The following FANCM variants were observed in gnomAD, a reference collection of about 807,000 sequenced individuals.
FANCM encodes FA complementation group M.
Under a neutral mutation model 199.5 loss-of-function variants are expected in FANCM, and 140 were observed. The ratio of observed to expected loss-of-function variants is 0.70; its 90% CI spans 0.61 to 0.81. The LOEUF is 0.81. Ranked by LOEUF, FANCM falls within the 30% of genes least tolerant of loss-of-function variation. The pLI is 0.00. For synonymous variants in FANCM, 840 were observed against 836.8 expected (o/e 1.00, Z -0.07); for missense variants, 2,410 against 2,421.4 (o/e 1.00, Z 0.10).
At position 45,140,721 on chromosome 14, in the gene FANCM, G is replaced by GT; in HGVS notation, c.759+17dup. ...GTAGTGATATAAAGGTAAGTAAAAT[G>GT]TTTTTCCATTTATTACAGTTAAGAA... On this transcript the variant is annotated intron_variant, in intron 3 of 22. Transcript: ENST00000267430. The GT allele has an allele frequency of 6.6e-7, 1 of 1,519,224 alleles. No individual in the cohort carries two copies. Among genetic ancestry groups the GT allele is most frequent in the East Asian group, 2.3e-5 (1 of 44,440 alleles). 94.1% of individuals were successfully genotyped at this position (1,519,224 alleles called of 1,614,324 possible).
At chr14:45,153,127 C>T (rs746485978) in intron 5 of FANCM, among the ~76,000 whole-genome samples, 1 of 152,180 alleles carries the variant, frequency 6.6e-6, no homozygotes, top group African/African-American at 2.4e-5. Context: ...TCTCCATGCT[C>T]TCCTTAAAAA....
In FANCM at chr14:45,175,518, G is replaced by A. The variant is rs1888619129; in HGVS notation, c.2764G>A (p.Val922Met). 3.7e-6 allele frequency: 6 copies of A among 1,612,782 alleles called. No homozygotes were observed. Among genetic ancestry groups the A allele is most frequent in the Non-Finnish European group, 3.4e-6 (4 of 1,179,010 alleles). Residue 922 changes from valine (V) to methionine (M), a missense_variant, in exon 14 of 23, where the codon GTG (valine) becomes ATG (methionine). Physicochemically the swap from Val to Met is conservative, Grantham distance 21 (BLOSUM62 1). Transcript: ENST00000267430. The part of the protein sequence containing the change: ...INENVIKEPC[V>M]LLTECQFTNK... ...TGAAAATGTTATTAAAGAACCGTGT[G>A]TGTTATTAACAGAGTGTCAGTTTAC... is the stretch of plus-strand genomic sequence containing the variant.
chr14:45,164,127 G>A (rs539603720), intron 9 of FANCM, among the ~76,000 whole-genome samples: 91 of 152,058 alleles, frequency 6.0e-4, no homozygotes, highest in African/African-American at 1.9e-3. Context: ...TTTATTTTTC[G>A]TAGAGACAGG....
intron 8 of FANCM, among the ~76,000 whole-genome samples, chr14:45,158,238 A>G: frequency 6.6e-6 from 1 of 152,154 alleles, no homozygotes; most frequent in East Asian, 1.9e-4. Context: ...CACAGTATGC[A>G]ATAATTAGCC....
intron 20 of FANCM, among the ~76,000 whole-genome samples, chr14:45,193,373 A>G (rs1331717425): frequency 2.0e-5 from 3 of 152,186 alleles, no homozygotes; most frequent in African/African-American, 7.2e-5. Context: ...CACTAATTCC[A>G]TACTCCTAGT....
At chr14:45,199,116 AAAAAAAG>A (rs1199066495) in intron 22 of FANCM, among the ~76,000 whole-genome samples, 181 bp downstream of exon 22, 6 of 152,200 alleles carry the variant, frequency 3.9e-5, no homozygotes, top group Admixed American at 6.5e-5. Context: ...ACATTATTCG[AAAAAAAG>A]AAAAAAGAAA....
intron 21 of FANCM, 35 bp downstream of exon 21, chr14:45,196,582 G>T: frequency 6.3e-7 from 1 of 1,596,194 alleles, no homozygotes; most frequent in African/African-American, 1.3e-5. Context: ...TTATAAGACT[G>T]TAAAGGAACT....
chr14:45,146,690 G>A (rs1886410799), intron 3 of FANCM, among the ~76,000 whole-genome samples: 1 of 151,682 alleles, frequency 6.6e-6, no homozygotes, highest in Non-Finnish European at 1.5e-5. Flanking sequence ...AAAATTAGCC[G>A]GGCATGGTGG....
intron 20 of FANCM, among the ~76,000 whole-genome samples, chr14:45,193,908 C>T (rs1016966317): frequency 3.9e-5 from 6 of 151,972 alleles, no homozygotes; most frequent in Admixed American, 1.3e-4. Context: ...GTAGTATTGT[C>T]ATCTTAATAA....
intron 9 of FANCM, among the ~76,000 whole-genome samples, chr14:45,162,477 G>A (rs961423371): frequency 1.3e-5 from 2 of 152,102 alleles, no homozygotes; most frequent in African/African-American, 4.8e-5. Context: ...GAAAAATAAA[G>A]TTCTGGTCCA....
rs375644492 is a variant in FANCM, at chr14:45,151,428, A to G, written c.950A>G (p.Gln317Arg). The change falls in exon 5 of 23, where the codon CAG becomes CGG. Residue 317 changes from glutamine (Q) to arginine (R), a missense_variant. Physicochemically the swap from Gln to Arg is conservative, Grantham distance 43. Transcript: ENST00000267430. ...GAATCATTTGCTCGTTCTTTGATTC[A>G]GAGGAATGTTTTGATGAGAAGGGAT... The part of the protein sequence containing the change: ...ILESFARSLI[Q>R]RNVLMRRDIP... 38 of 1,613,572 alleles carry G rather than the reference A, an allele frequency of 2.4e-5. No homozygotes were observed. The highest frequency in any genetic ancestry group is 1.6e-4 in the Middle Eastern group (1 of 6,084).
In FANCM at chr14:45,136,202, G is replaced by A. The variant is rs142007602; in HGVS notation, c.171G>A (p.Leu57=). The change falls in exon 1 of 23, where the codon TTG becomes TTA. Residue 57 remains leucine (L), a synonymous_variant. Transcript: ENST00000267430. ...EAQLESDDDV[L]LVAAYEAERQ... ...AGCTGGAGTCGGACGATGATGTGTT[G>A]CTTGTCGCGGCGTACGAGGCTGAGC... 1.2e-6 allele frequency: 2 copies of A among 1,614,190 alleles called. No homozygotes were observed. The highest frequency in any genetic ancestry group is 3.3e-5 in the Admixed American group (2 of 60,024).
Position 45,181,366 on chromosome 14 carries a change from G to C in FANCM, c.4223-64G>C, listed in dbSNP as rs111454929. The C allele has an allele frequency of 2.0e-3, 1,737 of 852,172 alleles. 29 individuals carry two copies. In the African/African-American group the frequency reaches 0.025, roughly 12 times the overall value. 52.8% of individuals were successfully genotyped at this position (852,172 alleles called of 1,614,324 possible). A position where few individuals can be genotyped will look rare whatever the true frequency, so the allele number is the denominator to read the frequency against. On this transcript the variant is annotated intron_variant, in intron 14 of 22. Coordinates refer to ENST00000267430, the MANE Select transcript of FANCM (RefSeq NM_020937.4). ...TCTTAATGTAGCCATCAATAAAATA[G>C]ATTGTTATGATTGGGTAAACCTAAA...
At chr14:45,148,494 A>G (rs2139150098) in intron 3 of FANCM, among the ~76,000 whole-genome samples, 1 of 152,306 alleles carries the variant, frequency 6.6e-6, no homozygotes, top group African/African-American at 2.4e-5. Flanking sequence ...TTGATTGAGT[A>G]TTGCTAATCT....
intron 16 of FANCM, among the ~76,000 whole-genome samples, chr14:45,183,103 G>T (rs939242378): frequency 6.6e-6 from 1 of 152,058 alleles, no homozygotes; most frequent in Admixed American, 6.6e-5. Context: ...CAGCCAGTCC[G>T]TATTAACATT....
rs916948186 is a variant in FANCM, at chr14:45,157,478, G to T, written c.1397-1618G>T. Among the ~76,000 whole-genome samples, 12 of 152,288 alleles carry T rather than the reference G, an allele frequency of 7.9e-5. 1 individual carries two copies. The South Asian group carries it at 2.5e-3, about 32-fold the overall frequency. On this transcript the variant is annotated intron_variant, in intron 8 of 22. Transcript: ENST00000267430. Reference sequence around the variant, plus strand: ...CAAGTAAAATGTTAGAGAAGCTGAAGAAAGAGACTATTTCAGAAGGAAAGA... The same window carrying T: ...CAAGTAAAATGTTAGAGAAGCTGAATAAAGAGACTATTTCAGAAGGAAAGA...
At chr14:45,165,144 ATAT>A (rs1416776640) in intron 10 of FANCM, among the ~76,000 whole-genome samples, 6 of 152,238 alleles carry the variant, frequency 3.9e-5, no homozygotes, top group Non-Finnish European at 8.8e-5. Context: ...GTTACATAAA[ATAT>A]TATTTTGTGT....
At chr14:45,184,972 G>A (rs1256641642) in intron 17 of FANCM, among the ~76,000 whole-genome samples, 1 of 151,120 alleles carries the variant, frequency 6.6e-6, no homozygotes, top group East Asian at 2.0e-4. Flanking sequence ...TGTAAAGATG[G>A]GGTTTCACCA....
chr14:45,170,675 A>G lies in FANCM; in HGVS notation c.2089A>G (p.Ser697Gly). The G allele has an allele frequency of 6.2e-7, 1 of 1,606,540 alleles. No individual in the cohort carries two copies. The highest frequency in any genetic ancestry group is 8.5e-7 in the Non-Finnish European group (1 of 1,173,196). ...GAACAGACTTTATAGATTAAGGGAC[A>G]GTGATGAAATTAAAGAGATAACATT... is the stretch of plus-strand genomic sequence containing the variant. Reference protein sequence around the residue: ...LWNRLYRLRDSDEIKEITLPQ... With the variant: ...LWNRLYRLRDGDEIKEITLPQ... Residue 697 changes from serine to glycine, a missense_variant, in exon 12 of 23, where the codon AGT becomes GGT. Transcript: ENST00000267430.
Sources: gnomAD v4.1 joint callset for allele counts (sites outside exome capture counted in the v4.1 genomes callset) on GRCh38, gnomAD v4.1.1 for gene constraint, MANE v1.5 for transcripts, NCBI Gene and HGNC (gene_info 2026-07-23, HGNC 2026-07-21) for gene names.